GABRB2: variants seen among roughly 807,000 people sequenced by gnomAD.
The protein encoded by GABRB2 is gamma-aminobutyric acid receptor subunit beta-2.
Under a neutral mutation model 54.7 loss-of-function variants are expected in GABRB2, and 16 were observed. The ratio of observed to expected loss-of-function variants is 0.29; its 90% CI spans 0.20 to 0.44. The LOEUF (loss-of-function observed/expected upper bound fraction) is 0.44. Ranked by LOEUF, GABRB2 falls within the 20% of genes least tolerant of loss-of-function variation. The pLI is 1.00. For synonymous variants in GABRB2, 244 were observed against 233.8 expected, an observed-to-expected ratio of 1.04 and a Z score of -0.40; for missense variants, 355 against 644.0, an observed-to-expected ratio of 0.55 and a Z score of 4.86.
chr5:161,395,186 A>G (rs1372726061), intron 5 of GABRB2, among the ~76,000 whole-genome samples: 1 of 152,124 alleles, frequency 6.6e-6, no homozygotes, highest in Admixed American at 6.6e-5. Flanking sequence ...GCTGGAGCCC[A>G]ATTTCTTTAT....
chr5:161,298,320 A>T (rs153301), intron 9 of GABRB2, among the ~76,000 whole-genome samples: 1 of 151,918 alleles, frequency 6.6e-6, no homozygotes, highest in Non-Finnish European at 1.5e-5. Flanking sequence ...TGTTGCCATT[A>T]CTTTTGGCAT....
chr5:161,438,516 C>T (rs1391222486), intron 4 of GABRB2, among the ~76,000 whole-genome samples: 1 of 152,022 alleles, frequency 6.6e-6, no homozygotes, highest in East Asian at 1.9e-4. Flanking sequence ...GCATGAACAC[C>T]ATCCAGGAAA....
intron 3 of GABRB2, among the ~76,000 whole-genome samples, chr5:161,514,052 G>A (rs1759861042): frequency 6.6e-6 from 1 of 152,060 alleles, no homozygotes; most frequent in African/African-American, 2.4e-5. Flanking sequence ...TCATATAGTT[G>A]TACTCTTCCC....
At chr5:161,391,659 A>T (rs1459594695) in intron 5 of GABRB2, among the ~76,000 whole-genome samples, 1 of 152,216 alleles carries the variant, frequency 6.6e-6, no homozygotes, top group Non-Finnish European at 1.5e-5. Flanking sequence ...ACAAATTAAG[A>T]AATGTCTTTA....
At chr5:161,367,650 T>C (rs1004879967) in intron 5 of GABRB2, among the ~76,000 whole-genome samples, 4 of 152,296 alleles carry the variant, frequency 2.6e-5, no homozygotes, top group African/African-American at 9.6e-5. Context: ...ACACATTTAT[T>C]ATATGTTGCA....
intron 4 of GABRB2, among the ~76,000 whole-genome samples, chr5:161,448,650 A>T (rs1167652955): frequency 6.6e-6 from 1 of 152,142 alleles, no homozygotes; most frequent in African/African-American, 2.4e-5. Flanking sequence ...AAACTTAAAA[A>T]CATGGTTGTA....
At position 161,449,557 on chromosome 5, in the gene GABRB2, T is replaced by C. The variant is rs531297974; in HGVS notation, c.458+10067A>G. Among the ~76,000 whole-genome samples, 293 of 152,282 alleles carry C rather than the reference T, an allele frequency of 1.9e-3. 1 individual carries two copies. The highest frequency in any genetic ancestry group is 3.1e-3 in the Non-Finnish European group (214 of 68,004). On this transcript the variant is annotated intron_variant, in intron 4 of 9. Coordinates refer to ENST00000393959, the MANE Select transcript of GABRB2 (RefSeq NM_001371727.1). ...AGTGATGCAAAAGTTACTCCAAATG[T>C]AATTAGAGAAAACTTAATCATTAAA...
chr5:161,396,246 T>A, intron 5 of GABRB2, among the ~76,000 whole-genome samples: 1 of 152,184 alleles, frequency 6.6e-6, no homozygotes, highest in East Asian at 1.9e-4. Context: ...CATCCATTCC[T>A]TCCAGGGAGG....
At chr5:161,410,388 TCTCACA>T (rs1431474285) in intron 5 of GABRB2, among the ~76,000 whole-genome samples, 43 of 149,736 alleles carry the variant, frequency 2.9e-4, no homozygotes, top group South Asian at 4.2e-4. Flanking sequence ...TAAACAGAAT[TCTCACA>T]CACACACACA....
intron 9 of GABRB2, among the ~76,000 whole-genome samples, chr5:161,298,317 A>C (rs948985446): frequency 6.6e-6 from 1 of 152,070 alleles, no homozygotes; most frequent in African/African-American, 2.4e-5. Context: ...TTTTGTTGCC[A>C]TTACTTTTGG....
rs549370855 is a variant in GABRB2, at chr5:161,341,325, G to T, written c.542-4556C>A. On this transcript the variant is annotated intron_variant, in intron 5 of 9. Coordinates refer to ENST00000393959, the MANE Select transcript of GABRB2 (RefSeq NM_001371727.1). The stretch of plus-strand genomic sequence containing the variant: ...AAAAAAAATTAGATTTCTTTAAAAA[G>T]ATATCAGAAGGAAATGCACTGAAGC... Among the ~76,000 whole-genome samples the T allele has an allele frequency of 3.3e-4, 50 of 151,888 alleles. No homozygotes were observed. In the South Asian group the frequency reaches 3.3e-3, roughly 10 times the overall value.
At position 161,293,507 on chromosome 5, in the gene GABRB2, G is replaced by T. The variant is rs1462661224; in HGVS notation, c.*574C>A. On this transcript the variant is annotated 3_prime_UTR_variant, in exon 10 of 10. Coordinates refer to ENST00000393959, the MANE Select transcript of GABRB2 (RefSeq NM_001371727.1). ...TCAAGCAAAGGGACTGGCCAAATCGGTTTCCTGAGTCTCTGTCTTGATTCC... is the reference window on the plus strand; with the variant it reads ...TCAAGCAAAGGGACTGGCCAAATCGTTTTCCTGAGTCTCTGTCTTGATTCC... 1.3e-5 allele frequency: 2 copies of T among 152,374 alleles called. No homozygotes were observed. The highest frequency in any genetic ancestry group is 1.9e-4 in the East Asian group (1 of 5,194). The allele number at this position is 152,374 out of a possible 1,614,324, so 9.4% of individuals were successfully genotyped here. A position where few individuals can be genotyped will look rare whatever the true frequency, so the allele number is the denominator to read the frequency against.
chr5:161,491,353 C>A (rs556149565), intron 3 of GABRB2, among the ~76,000 whole-genome samples: 4 of 151,504 alleles, frequency 2.6e-5, no homozygotes, highest in Non-Finnish European at 5.9e-5. Context: ...CATTAGTTAG[C>A]GTTCCTTAAG....
intron 5 of GABRB2, among the ~76,000 whole-genome samples, chr5:161,352,402 C>T (rs753964240): frequency 2.0e-5 from 3 of 151,644 alleles, no homozygotes; most frequent in Admixed American, 1.3e-4. Context: ...CTGTCATTTG[C>T]GACAACATGA....
chr5:161,535,800 G>T (rs1000065552), intron 3 of GABRB2, among the ~76,000 whole-genome samples: 1 of 152,184 alleles, frequency 6.6e-6, no homozygotes, highest in Non-Finnish European at 1.5e-5. Context: ...TTGATCCCCA[G>T]TGTGGCTCTG....
chr5:161,377,850 A>C (rs1424407518), intron 5 of GABRB2, among the ~76,000 whole-genome samples: 1 of 152,096 alleles, frequency 6.6e-6, no homozygotes, highest in Admixed American at 6.6e-5. Flanking sequence ...CACAGTGTCT[A>C]CATTTGCAGA....
At chr5:161,331,789 C>T (rs1753851653) in intron 7 of GABRB2, among the ~76,000 whole-genome samples, 1 of 152,062 alleles carries the variant, frequency 6.6e-6, no homozygotes, top group Admixed American at 6.5e-5. Context: ...GGGCCAGCTT[C>T]AAGCAAGGGG....
intron 4 of GABRB2, among the ~76,000 whole-genome samples, chr5:161,451,440 C>G (rs1379705618): frequency 6.6e-6 from 1 of 152,150 alleles, no homozygotes; most frequent in African/African-American, 2.4e-5. Flanking sequence ...ACTGTCCCAA[C>G]AAAATCAGTA....
chr5:161,389,808 G>A (rs1755763627), intron 5 of GABRB2, among the ~76,000 whole-genome samples: 1 of 151,878 alleles, frequency 6.6e-6, no homozygotes, highest in Non-Finnish European at 1.5e-5. Context: ...TCTCTCAGAG[G>A]AGGAACAAAT....
Sources: allele counts gnomAD v4.1 joint callset (sites outside exome capture counted in the v4.1 genomes callset), GRCh38; gene constraint gnomAD v4.1.1; transcripts MANE v1.5; gene names NCBI Gene and HGNC (gene_info 2026-07-23, HGNC 2026-07-21).